The following CDYL2 variants were observed in gnomAD, a reference collection of about 807,000 sequenced individuals.
The protein encoded by CDYL2 is chromodomain Y-like protein 2.
CDYL2 carries 23 observed loss-of-function variants against 49.4 expected under a neutral mutation model. The observed-to-expected ratio is 0.47, with a 90% CI of 0.34 to 0.66. The LOEUF is 0.66. Among genes scored for constraint, CDYL2 ranks in the 30% least tolerant of loss-of-function variants. The probability of loss-of-function intolerance (pLI) is 0.01; values close to 1 mark genes in which losing one functional copy is unlikely to be tolerated. For synonymous variants in CDYL2, 360 were observed against 268.8 expected (o/e 1.34, Z -3.32); for missense variants, 678 against 656.4 (o/e 1.03, Z -0.36).
intron 1 of CDYL2, among the ~76,000 whole-genome samples, chr16:80,726,801 C>T (rs926589902): frequency 6.6e-6 from 1 of 152,144 alleles, no homozygotes; most frequent in Non-Finnish European, 1.5e-5. Context: ...AACAAACAAA[C>T]AAACAGCTAA....
intron 1 of CDYL2, among the ~76,000 whole-genome samples, chr16:80,712,091 ATATATATGTG>A (rs1175910591): frequency 1.9e-3 from 287 of 148,898 alleles, no homozygotes; most frequent in East Asian, 5.7e-3. Flanking sequence ...ATGTGTGTGT[ATATATATGTG>A]TATATATGTG....
intron 1 of CDYL2, among the ~76,000 whole-genome samples, chr16:80,788,451 G>C (rs1907504997): frequency 6.6e-6 from 1 of 152,144 alleles, no homozygotes; most frequent in South Asian, 2.1e-4. Flanking sequence ...ACAGACACCT[G>C]TTTTTGTGCC....
intron 2 of CDYL2, among the ~76,000 whole-genome samples, chr16:80,643,334 C>T (rs902068977): frequency 6.6e-6 from 1 of 152,224 alleles, no homozygotes; most frequent in African/African-American, 2.4e-5. Context: ...TTCAGCCTCT[C>T]TCCTGGCTGC....
chr16:80,639,825 T>C (rs1908003023), intron 2 of CDYL2: 2 of 427,826 alleles, frequency 4.7e-6, no homozygotes, highest in South Asian at 1.7e-5. Flanking sequence ...AGTGTAGCAA[T>C]TGTGAGGCAT....
chr16:80,619,404 G>A (rs1597127337), intron 4 of CDYL2, among the ~76,000 whole-genome samples: 2 of 152,236 alleles, frequency 1.3e-5, no homozygotes, highest in South Asian at 2.1e-4. Context: ...ACGAGGGGCT[G>A]TGTCAGCCAG....
intron 1 of CDYL2, among the ~76,000 whole-genome samples, chr16:80,702,655 C>T (rs1482716294): frequency 6.6e-6 from 1 of 152,118 alleles, no homozygotes. Flanking sequence ...GAGGCTGAGG[C>T]TGGAAGATCG....
chr16:80,762,889 T>A (rs975119047), intron 1 of CDYL2, among the ~76,000 whole-genome samples: 1 of 152,196 alleles, frequency 6.6e-6, no homozygotes, highest in African/African-American at 2.4e-5. Context: ...TCTGTGAGCT[T>A]CATTCAAGCA....
At chr16:80,764,610 A>C (rs2142386906) in intron 1 of CDYL2, among the ~76,000 whole-genome samples, 1 of 152,326 alleles carries the variant, frequency 6.6e-6, no homozygotes, top group Non-Finnish European at 1.5e-5. Flanking sequence ...GGTGAAAAAC[A>C]TGCTCAGGTA....
chr16:80,726,618 A>T (rs1442057322), intron 1 of CDYL2, among the ~76,000 whole-genome samples: 1 of 152,212 alleles, frequency 6.6e-6, no homozygotes, highest in Admixed American at 6.5e-5. Context: ...GATGAATAAT[A>T]CCTAGCATTC....
chr16:80,783,883 A>G (rs1027702164), intron 1 of CDYL2, among the ~76,000 whole-genome samples: 3 of 152,226 alleles, frequency 2.0e-5, no homozygotes, highest in Non-Finnish European at 2.9e-5. Flanking sequence ...CAGATGAATG[A>G]GTGCCCGGGG....
intron 1 of CDYL2, among the ~76,000 whole-genome samples, chr16:80,777,971 AT>A (rs1283323211): frequency 1.3e-5 from 2 of 151,932 alleles, no homozygotes; most frequent in African/African-American, 2.4e-5. Context: ...ATAAAAAAAA[AT>A]GTATTATCAT....
chr16:80,609,358 AAAT>A (rs1371331983), intron 5 of CDYL2, among the ~76,000 whole-genome samples: 37 of 152,282 alleles, frequency 2.4e-4, no homozygotes, highest in African/African-American at 8.4e-4. Context: ...GTTGACGCTG[AAAT>A]GCCAGGCACT....
intron 1 of CDYL2, among the ~76,000 whole-genome samples, chr16:80,764,934 C>A (rs1367200974): frequency 6.6e-6 from 1 of 150,946 alleles, no homozygotes. Context: ...GTGGTTGGCG[C>A]CTGTAGTCCC....
At chr16:80,671,816 T>C (rs1323249051) in intron 2 of CDYL2, among the ~76,000 whole-genome samples, 2 of 152,178 alleles carry the variant, frequency 1.3e-5, no homozygotes, top group African/African-American at 4.8e-5. Context: ...GTTAGAAGGA[T>C]ATGGTAAAAT....
chr16:80,779,127 G>A (rs1366184370), intron 1 of CDYL2, among the ~76,000 whole-genome samples: 3 of 151,932 alleles, frequency 2.0e-5, no homozygotes, highest in African/African-American at 7.2e-5. Flanking sequence ...GAAGGGAGGA[G>A]AACAGTGAGA....
intron 2 of CDYL2, among the ~76,000 whole-genome samples, chr16:80,682,777 A>T (rs1490377745): frequency 6.6e-6 from 1 of 152,210 alleles, no homozygotes; most frequent in East Asian, 1.9e-4. Context: ...TCACAGCAAC[A>T]TCAAACACGG....
intron 2 of CDYL2, among the ~76,000 whole-genome samples, chr16:80,640,852 A>G (rs781488816): frequency 1.3e-5 from 2 of 152,282 alleles, no homozygotes; most frequent in Non-Finnish European, 2.9e-5. Context: ...GAACAAGCGT[A>G]AGAAAGAATT....
intron 1 of CDYL2, among the ~76,000 whole-genome samples, chr16:80,775,719 C>A (rs1907060666): frequency 6.6e-6 from 1 of 151,808 alleles, no homozygotes; most frequent in Admixed American, 6.6e-5. Context: ...GGAAACCTAA[C>A]AAATACATCT....
intron 1 of CDYL2, among the ~76,000 whole-genome samples, chr16:80,706,182 C>CA (rs1303450749): frequency 6.6e-6 from 1 of 152,184 alleles, no homozygotes; most frequent in Non-Finnish European, 1.5e-5. Context: ...AAAAATTCTG[C>CA]AAAACATTTT....
Sources: gnomAD v4.1 joint callset for allele counts (sites outside exome capture counted in the v4.1 genomes callset) on GRCh38, gnomAD v4.1.1 for gene constraint, MANE v1.5 for transcripts, NCBI Gene and HGNC (gene_info 2026-07-23, HGNC 2026-07-21) for gene names.